The following ITGAX variants were observed in gnomAD, a reference collection of about 807,000 sequenced individuals.
ITGAX encodes integrin alpha-X.
In ITGAX, 99 loss-of-function variants were observed where a neutral mutation model predicts 140.2. The ratio of observed to expected loss-of-function variants is 0.71; its 90% CI spans 0.60 to 0.83. The LOEUF (loss-of-function observed/expected upper bound fraction) is 0.83. ITGAX is among the 40% of genes least tolerant of loss of function. The pLI, the probability that ITGAX is intolerant of heterozygous loss-of-function variation, is 0.00. For missense variants in ITGAX, 1,444 were observed against 1,482.0 expected, an observed-to-expected ratio of 0.97 and a Z score of 0.42; for synonymous variants, 631 against 600.4, an observed-to-expected ratio of 1.05 and a Z score of -0.75.
intron 18 of ITGAX, 42 bp from the exon 19 acceptor site, chr16:31,372,555 G>A (rs375241061): frequency 6.2e-7 from 1 of 1,613,904 alleles, no homozygotes; most frequent in South Asian, 1.1e-5. Context: ...ACAGCGTGGG[G>A]CCTGGGTCTC....
chr16:31,361,013 A>T, intron 8 of ITGAX, 50 bp from the exon 9 acceptor site: 1 of 1,579,544 alleles, frequency 6.3e-7, no homozygotes, highest in Admixed American at 1.7e-5. Context: ...CAGTGCACAC[A>T]GGCACATTTG....
intron 14 of ITGAX, among the ~76,000 whole-genome samples, chr16:31,364,953 G>A (rs1271992818): frequency 6.6e-6 from 1 of 152,112 alleles, no homozygotes; most frequent in East Asian, 1.9e-4. Context: ...TGGGAGGTGG[G>A]GGTTGTGGTG....
At position 31,375,754 on chromosome 16, in the gene ITGAX, G is replaced by A. The variant is rs191317834; in HGVS notation, c.2509-1045G>A. Among the ~76,000 whole-genome samples the A allele has an allele frequency of 9.1e-4, 138 of 152,328 alleles. 1 individual carries two copies. Among genetic ancestry groups the A allele is most frequent in the Middle Eastern group, 3.4e-3 (1 of 294 alleles). On this transcript the variant is annotated intron_variant, in intron 20 of 29. Transcript: ENST00000268296. ...TTAGTCTAATATTCCCAGCGGAAGC[G>A]CATTTTGATTAACGTATAAAAGAAC...
chr16:31,360,662 G>A, intron 8 of ITGAX, 199 bp downstream of exon 8: 1 of 578,560 alleles, frequency 1.7e-6, no homozygotes, highest in Admixed American at 3.4e-5. Flanking sequence ...TGGGACCACA[G>A]GTGTGTGCCA....
chr16:31,362,351 G>A, intron 11 of ITGAX, 147 bp downstream of exon 11: 3 of 1,054,008 alleles, frequency 2.8e-6, no homozygotes, highest in Non-Finnish European at 3.9e-6. Context: ...TGCTGCCCGG[G>A]GTGGGTTCCA....
intron 14 of ITGAX, among the ~76,000 whole-genome samples, chr16:31,366,763 G>A (rs1567301023): frequency 6.6e-6 from 1 of 152,206 alleles, no homozygotes; most frequent in East Asian, 1.9e-4. Flanking sequence ...TGATCTGCCT[G>A]CCTTGGCCTC....
In ITGAX at chr16:31,361,364, C is replaced by T. The variant is rs2080823288; in HGVS notation, c.1012+151C>T. The T allele has an allele frequency of 4.4e-6, 4 of 900,292 alleles. No homozygotes were observed. The Admixed American group carries it at 6.9e-5, about 16-fold the overall frequency. 55.8% of individuals were successfully genotyped at this position (900,292 alleles called of 1,614,324 possible). On this transcript the variant is annotated intron_variant, in intron 9 of 29. Coordinates refer to ENST00000268296, the MANE Select transcript of ITGAX (RefSeq NM_000887.5). ...AGCCATGTCTGTCAGCTTGTCCCCA[C>T]TGACGTCCCCCAGCACTGTCAGAGC...
intron 19 of ITGAX, 136 bp from the exon 20 acceptor site, chr16:31,373,101 AAAGAAGAAGAAG>A (rs146920512): frequency 6.0e-5 from 29 of 480,290 alleles, no homozygotes; most frequent in African/African-American, 2.6e-4. Flanking sequence ...TCTTAAAAAA[AAAGAAGAAGAAG>A]AAGAAGAAGA....
At chr16:31,376,059 TCTAGATG>T in intron 20 of ITGAX, among the ~76,000 whole-genome samples, 1 of 152,336 alleles carries the variant, frequency 6.6e-6, no homozygotes, top group South Asian at 2.1e-4. Context: ...CTGAAGTATT[TCTAGATG>T]AAACAATATG....
At position 31,380,371 on chromosome 16, in the gene ITGAX, G is replaced by T; in HGVS notation, c.3166G>T (p.Val1056Phe). ...GAAGGGCAACCTCAGCTTTGGCTGG[G>T]TCCGCCAGGTGTGTGGGTGCAACGA... ...TLKGNLSFGW[V>F]RQILQKKVSV... Residue 1056 changes from valine to phenylalanine, a missense_variant, in exon 27 of 30, where the codon GTC (valine) becomes TTC (phenylalanine). By Grantham distance (50) the Val-to-Phe change is conservative. Coordinates refer to ENST00000268296, the MANE Select transcript of ITGAX (RefSeq NM_000887.5). The T allele has an allele frequency of 6.2e-7, 1 of 1,613,998 alleles. No individual in the cohort carries two copies. The highest frequency in any genetic ancestry group is 8.5e-7 in the Non-Finnish European group (1 of 1,179,956).
At chr16:31,364,426 C>CAAA (rs56776715) in intron 14 of ITGAX, among the ~76,000 whole-genome samples, 2 of 42,424 alleles carry the variant, frequency 4.7e-5, no homozygotes, top group Admixed American at 2.6e-4. Context: ...AATCCCGTGT[C>CAAA]AAAAAAAAAA....
chr16:31,357,407 T>C, intron 5 of ITGAX, 43 bp downstream of exon 5: 10 of 1,293,958 alleles, frequency 7.7e-6, no homozygotes, highest in Admixed American at 2.0e-5. Flanking sequence ...CTCACGCACA[T>C]CCAATTGGGG....
rs914831089 is a variant in ITGAX at position 31,355,977 on chromosome 16, T to G, written c.122T>G (p.Val41Gly). 5.6e-6 allele frequency: 9 copies of G among 1,613,030 alleles called. No homozygotes were observed. In the Admixed American group the frequency reaches 1.0e-4, roughly 18 times the overall value. Residue 41 changes from valine (V) to glycine (G), a missense_variant, in exon 2 of 30, where the codon GTG becomes GGG. By Grantham distance (109) the Val-to-Gly change is moderately radical. Coordinates refer to ENST00000268296, the MANE Select transcript of ITGAX (RefSeq NM_000887.5). ...RVDSAGFGDS[V>G]VQYANSWVVV... ...GACAGCGCTGGGTTTGGAGACAGCG[T>G]GGTCCAGTATGCCAACTCCTGGTGA... is the stretch of plus-strand genomic sequence containing the variant.
At position 31,371,873 on chromosome 16, in the gene ITGAX, T is replaced by C. The variant is rs995490563; in HGVS notation, c.2160+89T>C. On this transcript the variant is annotated intron_variant, in intron 17 of 29. Coordinates refer to ENST00000268296, the MANE Select transcript of ITGAX (RefSeq NM_000887.5). The stretch of plus-strand genomic sequence containing the variant: ...AGAACAGGCTGTGTTCCGGCCTCCC[T>C]GTGGCTCAGCCCAGCACAGGACCAG... 20 of 1,484,014 alleles carry C rather than the reference T, an allele frequency of 1.3e-5. No individual in the cohort carries two copies. The Admixed American group carries it at 3.6e-4, about 27-fold the overall frequency. The allele number at this position is 1,484,014 out of a possible 1,614,324, so 91.9% of individuals were successfully genotyped here.
At chr16:31,367,968 G>A (rs1262154796) in intron 14 of ITGAX, among the ~76,000 whole-genome samples, 2 of 152,064 alleles carry the variant, frequency 1.3e-5, no homozygotes, top group African/African-American at 4.8e-5. Context: ...ACACGAGTTC[G>A]GGAGAAGCTG....
At chr16:31,373,192 A>T in intron 19 of ITGAX, 57 bp from the exon 20 acceptor site, 1 of 1,327,730 alleles carries the variant, frequency 7.5e-7, no homozygotes, top group Non-Finnish European at 1.0e-6. Flanking sequence ...TTTATCCCAG[A>T]CCATTTCTAG....
chr16:31,371,443 C>A lies in ITGAX; in HGVS notation c.1951C>A (p.Gln651Lys). The change falls in exon 16 of 30, where the codon CAG becomes AAG. Residue 651 changes from glutamine (Q) to lysine (K), a missense_variant. Coordinates refer to ENST00000268296, the MANE Select transcript of ITGAX (RefSeq NM_000887.5). ...GGTGGTCTCTGAGCAGACCCTGGTA[C>A]AGTCCAACATCTGCCTTTACATTGA... ...EQVVSEQTLVQSNICLYIDKR... is the reference protein window; with the variant it reads ...EQVVSEQTLVKSNICLYIDKR... 1 of 1,614,186 alleles carries A rather than the reference C, an allele frequency of 6.2e-7. No individual in the cohort carries two copies. The highest frequency in any genetic ancestry group is 8.5e-7 in the Non-Finnish European group (1 of 1,180,026).
rs2080859027 is a variant in ITGAX, at chr16:31,363,366, C to A, written c.1702C>A (p.His568Asn). The change falls in exon 14 of 30, where the codon CAC becomes AAC. Residue 568 changes from histidine (H) to asparagine (N), a missense_variant. Coordinates refer to ENST00000268296, the MANE Select transcript of ITGAX (RefSeq NM_000887.5). ...CTTGGGACCCAGCATCAGCCCCTCC[C>A]ACAGCCAGGTGAGGCCGTGTCCCAT... is the stretch of plus-strand genomic sequence containing the variant. Reference protein sequence around the residue: ...GVLGPSISPSHSQRIAGSQLS... With the variant: ...GVLGPSISPSNSQRIAGSQLS... 1 of 1,613,746 alleles carries A rather than the reference C, an allele frequency of 6.2e-7. No homozygotes were observed. The highest frequency in any genetic ancestry group is 8.5e-7 in the Non-Finnish European group (1 of 1,179,746).
In ITGAX at chr16:31,371,366, T is replaced by A. The variant is rs2080957215; in HGVS notation, c.1874T>A (p.Met625Lys). ...TRPVLWVGVS[M>K]QFIPAEIPRS... ...CCTGTGCTCTGGGTGGGGGTGAGCATGCAGTTCATACCTGCCGAGATCCCC... is the reference window on the plus strand; with the variant it reads ...CCTGTGCTCTGGGTGGGGGTGAGCAAGCAGTTCATACCTGCCGAGATCCCC... Residue 625 changes from methionine to lysine, a missense_variant, in exon 16 of 30, where the codon ATG (methionine) becomes AAG (lysine). Physicochemically the swap from Met to Lys is moderately conservative, Grantham distance 95. Coordinates refer to ENST00000268296, the MANE Select transcript of ITGAX (RefSeq NM_000887.5). 1 of 1,614,148 alleles carries A rather than the reference T, an allele frequency of 6.2e-7. No homozygotes were observed. Among genetic ancestry groups the A allele is most frequent in the Non-Finnish European group, 8.5e-7 (1 of 1,180,028 alleles).
Sources: allele counts gnomAD v4.1 joint callset (sites outside exome capture counted in the v4.1 genomes callset), GRCh38; gene constraint gnomAD v4.1.1; transcripts MANE v1.5; gene names NCBI Gene and HGNC (gene_info 2026-07-23, HGNC 2026-07-21).